The following ITGBL1 variants were observed in gnomAD, a reference collection of about 807,000 sequenced individuals.
ITGBL1 encodes the protein integrin subunit beta like 1.
ITGBL1 carries 51 observed loss-of-function variants against 68.5 expected under a neutral mutation model. That is an observed-to-expected ratio of 0.74 (90% CI 0.59 to 0.94). The LOEUF (loss-of-function observed/expected upper bound fraction) is 0.94, where lower values mean the gene tolerates loss of function less well. ITGBL1 is among the 40% of genes least tolerant of loss of function. ITGBL1 has a pLI of 0.00. For missense variants in ITGBL1, 649 were observed against 647.4 expected (o/e 1.00, Z -0.03); for synonymous variants, 209 against 227.3 (o/e 0.92, Z 0.72).
intron 8 of ITGBL1, among the ~76,000 whole-genome samples, chr13:101,700,826 T>C (rs375653508): frequency 6.6e-6 from 1 of 152,228 alleles, no homozygotes; most frequent in Non-Finnish European, 1.5e-5. Context: ...ATTGGCTGTC[T>C]GGCTCCTTCT....
intron 2 of ITGBL1, among the ~76,000 whole-genome samples, chr13:101,535,394 T>C (rs1452675056): frequency 3.9e-5 from 6 of 152,106 alleles, no homozygotes; most frequent in Non-Finnish European, 8.8e-5. Context: ...GAGTTAATGC[T>C]AGACCTTATA....
intron 7 of ITGBL1, among the ~76,000 whole-genome samples, chr13:101,650,414 C>G (rs9300689): frequency 0.21 from 32,526 of 151,848 alleles, 3,646 homozygotes; most frequent in African/African-American, 0.27. Flanking sequence ...CTTCCTTTGA[C>G]AGTAATTTTT....
chr13:101,471,266 A>G (rs2048452978), intron 2 of ITGBL1, among the ~76,000 whole-genome samples: 1 of 152,094 alleles, frequency 6.6e-6, no homozygotes, highest in South Asian at 2.1e-4. Context: ...CTCTTATCAT[A>G]GTGTTATTAT....
At chr13:101,674,538 A>C (rs1037971356) in intron 7 of ITGBL1, among the ~76,000 whole-genome samples, 1 of 152,160 alleles carries the variant, frequency 6.6e-6, no homozygotes, top group Admixed American at 6.5e-5. Flanking sequence ...TAAGGAAGTT[A>C]CTTTCTATTT....
At chr13:101,523,829 C>T (rs1290864279) in intron 2 of ITGBL1, among the ~76,000 whole-genome samples, 2 of 152,342 alleles carry the variant, frequency 1.3e-5, no homozygotes, top group East Asian at 1.9e-4. Flanking sequence ...GCATGTGTCA[C>T]TTCCAGTGAT....
chr13:101,460,782 G>GGCATGAGAAGGA (rs1555352132), intron 2 of ITGBL1, among the ~76,000 whole-genome samples: 1 of 151,844 alleles, frequency 6.6e-6, no homozygotes, highest in Admixed American at 6.6e-5. Flanking sequence ...CATGTCACAT[G>GGCATGAGAAGGA]GCAAGAGATA....
intron 7 of ITGBL1, among the ~76,000 whole-genome samples, chr13:101,655,253 T>C (rs1297833637): frequency 6.6e-6 from 1 of 152,224 alleles, no homozygotes; most frequent in Non-Finnish European, 1.5e-5. Context: ...ACTAGATTGA[T>C]GGCACAGAAT....
At chr13:101,686,157 C>T (rs1009919418) in intron 7 of ITGBL1, among the ~76,000 whole-genome samples, 1 of 152,054 alleles carries the variant, frequency 6.6e-6, no homozygotes, top group Non-Finnish European at 1.5e-5. Flanking sequence ...CTATCTTTTA[C>T]TCATCTATGT....
intron 7 of ITGBL1, among the ~76,000 whole-genome samples, chr13:101,665,618 G>A (rs1008499629): frequency 1.3e-5 from 2 of 151,750 alleles, no homozygotes; most frequent in Non-Finnish European, 2.9e-5. Context: ...CTTGCTTTGG[G>A]GCAATTAGCT....
intron 7 of ITGBL1, among the ~76,000 whole-genome samples, chr13:101,611,108 C>T (rs2031106360): frequency 6.6e-6 from 1 of 152,066 alleles, no homozygotes; most frequent in African/African-American, 2.4e-5. Context: ...GTCTCTCCCT[C>T]CCACCTAACT....
At chr13:101,513,067 T>A (rs1009421077) in intron 2 of ITGBL1, among the ~76,000 whole-genome samples, 1 of 152,058 alleles carries the variant, frequency 6.6e-6, no homozygotes, top group Admixed American at 6.6e-5. Flanking sequence ...TATTTAGGCA[T>A]TATCGATGAG....
intron 2 of ITGBL1, among the ~76,000 whole-genome samples, chr13:101,483,336 T>C (rs2048654391): frequency 6.6e-6 from 1 of 152,190 alleles, no homozygotes; most frequent in Non-Finnish European, 1.5e-5. Flanking sequence ...AAGGTTGCAA[T>C]TAATTTAGTA....
In ITGBL1 at chr13:101,575,507, A is replaced by G. The variant is rs2050343554; in HGVS notation, c.547A>G (p.Arg183Gly). ...VYGKFCECDD[R>G]ECIDDETEEI... ...TGGTAAATTTTGTGAGTGTGACGAT[A>G]GAGAATGCATAGACGATGAAACAGA... Residue 183 changes from arginine to glycine, a missense_variant, in exon 4 of 11, where the codon AGA (arginine) becomes GGA (glycine). Transcript: ENST00000376180. 5 of 1,612,834 alleles carry G rather than the reference A, an allele frequency of 3.1e-6. No homozygotes were observed. In the South Asian group the frequency reaches 4.4e-5, roughly 14 times the overall value.
At chr13:101,641,719 G>A (rs192808731) in intron 7 of ITGBL1, among the ~76,000 whole-genome samples, 11,369 of 60,896 alleles carry the variant, frequency 0.19, 286 homozygotes, top group African/African-American at 0.33. Context: ...CCCCTCCCCC[G>A]ACCCCACAGC....
intron 2 of ITGBL1, among the ~76,000 whole-genome samples, chr13:101,529,826 C>G (rs937096004): frequency 6.6e-6 from 1 of 152,120 alleles, no homozygotes; most frequent in Non-Finnish European, 1.5e-5. Context: ...TCCCTGCAGC[C>G]AAGTAGAACT....
Position 101,464,350 on chromosome 13 carries a change from C to T in ITGBL1, c.316+10250C>T, listed in dbSNP as rs200133298. On this transcript the variant is annotated intron_variant, in intron 2 of 10. Coordinates refer to ENST00000376180, the MANE Select transcript of ITGBL1 (RefSeq NM_004791.3). ...GGAGTTTAGTTATTATTTCTGTCATCTCATTTTTTGCCCATCCATGGCCTC... is the reference window on the plus strand; with the variant it reads ...GGAGTTTAGTTATTATTTCTGTCATTTCATTTTTTGCCCATCCATGGCCTC... Among the ~76,000 whole-genome samples, 9 of 152,180 alleles carry T rather than the reference C, an allele frequency of 5.9e-5. No homozygotes were observed. In the East Asian group the frequency reaches 1.2e-3, roughly 20 times the overall value.
chr13:101,649,207 C>A (rs2032665546), intron 7 of ITGBL1, among the ~76,000 whole-genome samples: 1 of 152,140 alleles, frequency 6.6e-6, no homozygotes, highest in African/African-American at 2.4e-5. Flanking sequence ...GAAAACACAT[C>A]TGTTTCTCTG....
chr13:101,475,800 T>A (rs543611721), intron 2 of ITGBL1, among the ~76,000 whole-genome samples: 4 of 52,604 alleles, frequency 7.6e-5, no homozygotes, highest in Non-Finnish European at 1.1e-4. Context: ...GGGGGGCAGG[T>A]GGTGGGGGCT....
At chr13:101,678,997 C>T (rs1168651358) in intron 7 of ITGBL1, among the ~76,000 whole-genome samples, 1 of 151,726 alleles carries the variant, frequency 6.6e-6, no homozygotes. Flanking sequence ...ACCTCCGACT[C>T]CCTGGATCAA....
Sources: gnomAD v4.1 joint callset for allele counts (sites outside exome capture counted in the v4.1 genomes callset) on GRCh38, gnomAD v4.1.1 for gene constraint, MANE v1.5 for transcripts, NCBI Gene and HGNC (gene_info 2026-07-23, HGNC 2026-07-21) for gene names.